Variants in SGSM2 observed in about 807,000 individuals in gnomAD.
SGSM2 encodes the protein small G protein signaling modulator 2.
A neutral mutation model predicts 126.6 loss-of-function variants in SGSM2; 89 were observed. That is an observed-to-expected ratio of 0.70 (90% CI 0.59 to 0.84). SGSM2 has a LOEUF of 0.84. Ranked by LOEUF, SGSM2 falls within the 40% of genes least tolerant of loss-of-function variation. SGSM2 has a pLI of 0.00. For synonymous variants in SGSM2, 614 were observed against 574.3 expected, an observed-to-expected ratio of 1.07 and a Z score of -0.99; for missense variants, 1,404 against 1,416.6, an observed-to-expected ratio of 0.99 and a Z score of 0.14.
At chr17:2,377,503 A>G (rs1272122117) in intron 21 of SGSM2, 4 of 187,234 alleles carry the variant, frequency 2.1e-5, no homozygotes, top group Admixed American at 5.6e-5. Context: ...AAAAAAAACC[A>G]TGGTTTCAGC....
At position 2,376,296 on chromosome 17, in the gene SGSM2, G is replaced by A. The variant is rs758838385; in HGVS notation, c.2609+35G>A. ...GGGGCGGGGCTCAGGGTGGGAGGCGGGACCCTGCCGCCAGTTACTCTGTGA... is the reference window on the plus strand; with the variant it reads ...GGGGCGGGGCTCAGGGTGGGAGGCGAGACCCTGCCGCCAGTTACTCTGTGA... On this transcript the variant is annotated intron_variant, in intron 19 of 23. Transcript: ENST00000268989. 2.5e-6 allele frequency: 4 copies of A among 1,588,406 alleles called. No homozygotes were observed. The African/African-American group carries it at 5.5e-5, about 22-fold the overall frequency.
At chr17:2,376,928 C>T in intron 20 of SGSM2, 31 bp from the exon 21 acceptor site, 1 of 1,602,708 alleles carries the variant, frequency 6.2e-7, no homozygotes, top group Non-Finnish European at 8.5e-7. Flanking sequence ...GCGTCTCCTG[C>T]CCTGCCAGCT....
In SGSM2 at chr17:2,380,140, C is replaced by A. The variant is rs1457605662; in HGVS notation, c.*620C>A. Reference sequence around the variant, plus strand: ...GGCCCTGGGTGGGAGCAGCCCACTTCAGCAGCACTGCCACTGCCTTTGGCC... The same window carrying A: ...GGCCCTGGGTGGGAGCAGCCCACTTAAGCAGCACTGCCACTGCCTTTGGCC... On this transcript the variant is annotated 3_prime_UTR_variant, in exon 24 of 24. Transcript: ENST00000268989. 3.5e-6 allele frequency: 5 copies of A among 1,448,852 alleles called. No individual in the cohort carries two copies. The highest frequency in any genetic ancestry group is 4.5e-6 in the Non-Finnish European group (5 of 1,101,256). 89.7% of individuals were successfully genotyped at this position (1,448,852 alleles called of 1,614,324 possible). A position where few individuals can be genotyped will look rare whatever the true frequency, so the allele number is the denominator to read the frequency against.
intron 1 of SGSM2, among the ~76,000 whole-genome samples, chr17:2,341,140 T>G (rs779069076): frequency 1.4e-4 from 22 of 152,080 alleles, no homozygotes; most frequent in Non-Finnish European, 7.4e-5. Context: ...TTGTTTGTTT[T>G]TTTGAGATAG....
Position 2,380,251 on chromosome 17 carries a change from G to A in SGSM2, c.*731G>A. ...GCCTCGCTCCTGCCACCCCACCCTT[G>A]CGTTCTGCATTAGGTACTTCCCTGA... is the stretch of plus-strand genomic sequence containing the variant. On this transcript the variant is annotated 3_prime_UTR_variant, in exon 24 of 24. Coordinates refer to ENST00000268989, the MANE Select transcript of SGSM2 (RefSeq NM_014853.3). 3 of 1,535,986 alleles carry A rather than the reference G, an allele frequency of 2.0e-6. No homozygotes were observed. Among genetic ancestry groups the A allele is most frequent in the Non-Finnish European group, 2.6e-6 (3 of 1,146,878 alleles).
chr17:2,362,019 T>A lies in SGSM2; in HGVS notation c.297-90T>A. The A allele has an allele frequency of 6.7e-7, 1 of 1,485,246 alleles. No homozygotes were observed. The highest frequency in any genetic ancestry group is 9.0e-7 in the Non-Finnish European group (1 of 1,105,122). 92.0% of individuals were successfully genotyped at this position (1,485,246 alleles called of 1,614,324 possible). A position where few individuals can be genotyped will look rare whatever the true frequency, so the allele number is the denominator to read the frequency against. ...CCCCAGTCAGTTCTCTGTGCTCCCA[T>A]CTTGGGGTACCAAGCCCCACTCCCA... On this transcript the variant is annotated intron_variant, in intron 3 of 23. Coordinates refer to ENST00000268989, the MANE Select transcript of SGSM2 (RefSeq NM_014853.3). This position sits in a 1 kb window ranked among gnomAD's most constrained non-coding sequence, Gnocchi z 4.9.
rs1016449030 is a variant in SGSM2, at chr17:2,362,315, C to T, written c.458+45C>T. ...AAAACTGCAGGTGACCACCCCGTTC[C>T]CCCCAAAACTGCAGGTGACCGCCCC... On this transcript the variant is annotated intron_variant, in intron 4 of 23. Coordinates refer to ENST00000268989, the MANE Select transcript of SGSM2 (RefSeq NM_014853.3). This position sits in a 1 kb window ranked among gnomAD's most constrained non-coding sequence, Gnocchi z 4.9. 5 of 1,563,538 alleles carry T rather than the reference C, an allele frequency of 3.2e-6. No individual in the cohort carries two copies. Among genetic ancestry groups the T allele is most frequent in the Non-Finnish European group, 4.3e-6 (5 of 1,155,986 alleles).
At chr17:2,338,789 A>ATATATATATATATATATATATATATAT (rs1483751869) in intron 1 of SGSM2, among the ~76,000 whole-genome samples, 18 of 148,094 alleles carry the variant, frequency 1.2e-4, no homozygotes, top group East Asian at 2.2e-4. Flanking sequence ...ATATATATAT[A>ATATATATATATATATATATATATATAT]ACCTCACGCC....
At chr17:2,345,453 A>G (rs948359756) in intron 2 of SGSM2, among the ~76,000 whole-genome samples, 109 of 149,390 alleles carry the variant, frequency 7.3e-4, no homozygotes, top group African/African-American at 1.2e-3. Flanking sequence ...AAAATTAGCC[A>G]GGCGTGGTGG....
intron 2 of SGSM2, among the ~76,000 whole-genome samples, chr17:2,347,343 G>A (rs565159731): frequency 1.3e-5 from 2 of 151,824 alleles, no homozygotes; most frequent in South Asian, 4.2e-4. Flanking sequence ...CTGACCTCAG[G>A]TGATCTGCCC....
chr17:2,379,720 CG>C lies in SGSM2; in HGVS notation c.*203del. 7.1e-7 allele frequency: 1 copy of C among 1,411,378 alleles called. No homozygotes were observed. The highest frequency in any genetic ancestry group is 1.5e-5 in the South Asian group (1 of 64,912). The allele number at this position is 1,411,378 out of a possible 1,614,324, so 87.4% of individuals were successfully genotyped here. A position where few individuals can be genotyped will look rare whatever the true frequency, so the allele number is the denominator to read the frequency against. ...GGCCAGGATGCCCTCGGATCAGGGC[CG>C]GGATGGGAGGGGTCAGCCTCAGGGA... is the stretch of plus-strand genomic sequence containing the variant. On this transcript the variant is annotated 3_prime_UTR_variant, in exon 24 of 24. Coordinates refer to ENST00000268989, the MANE Select transcript of SGSM2 (RefSeq NM_014853.3).
At chr17:2,357,293 T>C (rs966360503) in intron 2 of SGSM2, among the ~76,000 whole-genome samples, 6 of 152,032 alleles carry the variant, frequency 3.9e-5, no homozygotes, top group African/African-American at 1.5e-4. Flanking sequence ...CAGGATGGGA[T>C]GGGCTGACAG....
At chr17:2,365,476 C>T in intron 11 of SGSM2, 135 bp downstream of exon 11, 8 of 1,066,200 alleles carry the variant, frequency 7.5e-6, no homozygotes, top group Non-Finnish European at 1.0e-5. Context: ...CATCGCCTAG[C>T]CTCTCAGCTG....
intron 12 of SGSM2, 43 bp from the exon 13 acceptor site, chr17:2,371,219 A>G (rs758207819): frequency 6.3e-7 from 1 of 1,584,438 alleles, no homozygotes; most frequent in Non-Finnish European, 8.6e-7. Context: ...CCTGGGAGAG[A>G]AGGTGTCTCA....
intron 17 of SGSM2, 59 bp downstream of exon 17, chr17:2,373,572 C>A: frequency 6.7e-7 from 1 of 1,482,572 alleles, no homozygotes; most frequent in Non-Finnish European, 9.1e-7. Context: ...GTTTTATGCA[C>A]AGTGGTCCTG....
chr17:2,373,606 C>A, intron 17 of SGSM2, 93 bp downstream of exon 17: 1 of 1,209,652 alleles, frequency 8.3e-7, no homozygotes, highest in Non-Finnish European at 1.1e-6. Context: ...CCTCTGGGAA[C>A]TGGTGGGGCC....
In SGSM2 at chr17:2,376,822, G is replaced by C. The variant is rs2066184425; in HGVS notation, c.2692+7G>C. ...CTGGTCACCCTCGACAATGGTGAGG[G>C]ATGGCGGGACATGGGACTGGGCTGC... is the stretch of plus-strand genomic sequence containing the variant. On this transcript the variant is annotated splice_region_variant and intron_variant, in intron 20 of 23. Coordinates refer to ENST00000268989, the MANE Select transcript of SGSM2 (RefSeq NM_014853.3). The C allele has an allele frequency of 6.2e-7, 1 of 1,613,948 alleles. No homozygotes were observed. The highest frequency in any genetic ancestry group is 8.5e-7 in the Non-Finnish European group (1 of 1,180,030).
At chr17:2,361,209 A>G (rs1430662724) in intron 2 of SGSM2, among the ~76,000 whole-genome samples, 2 of 152,108 alleles carry the variant, frequency 1.3e-5, no homozygotes, top group Non-Finnish European at 2.9e-5. Context: ...CTTCATCAAT[A>G]TTTTAGCTCC....
intron 12 of SGSM2, among the ~76,000 whole-genome samples, chr17:2,368,095 G>A (rs557154277): frequency 2.0e-5 from 3 of 152,318 alleles, no homozygotes; most frequent in East Asian, 1.9e-4. Flanking sequence ...TCACTATCCC[G>A]GAGCTCCGTC....
Sources: gnomAD v4.1 joint callset for allele counts (sites outside exome capture counted in the v4.1 genomes callset) on GRCh38, gnomAD v4.1.1 for gene constraint, Gnocchi (gnomAD v3.1) non-coding constraint, MANE v1.5 for transcripts, NCBI Gene and HGNC (gene_info 2026-07-23, HGNC 2026-07-21) for gene names.